The following IP6K2 variants were observed in gnomAD, a reference collection of about 807,000 sequenced individuals.
IP6K2 encodes the protein inositol hexakisphosphate kinase 2.
Under a neutral mutation model 43.3 loss-of-function variants are expected in IP6K2, and 9 were observed. That is an observed-to-expected ratio of 0.21 (90% CI 0.13 to 0.36). The LOEUF is 0.36. IP6K2 is among the 10% of genes least tolerant of loss of function. The pLI, the probability that IP6K2 is intolerant of heterozygous loss-of-function variation, is 1.00. For missense variants in IP6K2, 332 were observed against 538.4 expected, an observed-to-expected ratio of 0.62 and a Z score of 3.79; for synonymous variants, 209 against 202.4, an observed-to-expected ratio of 1.03 and a Z score of -0.28.
intron 3 of IP6K2, 69 bp downstream of exon 3, chr3:48,692,884 TG>T (rs1260467347): frequency 1.8e-6 from 2 of 1,134,510 alleles, no homozygotes; most frequent in African/African-American, 1.6e-5. Flanking sequence ...TCCAGGGAAC[TG>T]GGCTGTAACC....
At position 48,688,164 on chromosome 3, in the gene IP6K2, G is replaced by A. The variant is rs2077497558; in HGVS notation, c.*109C>T. 1 of 1,252,946 alleles carries A rather than the reference G, an allele frequency of 8.0e-7. No individual in the cohort carries two copies. Among genetic ancestry groups the A allele is most frequent in the Non-Finnish European group, 1.1e-6 (1 of 877,262 alleles). 77.6% of individuals were successfully genotyped at this position (1,252,946 alleles called of 1,614,324 possible). ...GGCTCACAGAGGCCACTGCACATCA[G>A]CTCCAGGCTGCAGGAGCCACCACCT... is the stretch of plus-strand genomic sequence containing the variant. On this transcript the variant is annotated 3_prime_UTR_variant, in exon 6 of 6. Coordinates refer to ENST00000328631, the MANE Select transcript of IP6K2 (RefSeq NM_016291.4). The surrounding 1 kb of genome is among the most constrained non-coding windows in gnomAD (Gnocchi z 5.1).
At position 48,689,854 on chromosome 3, in the gene IP6K2, C is replaced by G. The variant is rs148171296; in HGVS notation, c.605-141G>C. ...TCCATTAGTCCTGCCATCCCCGACA[C>G]AGGGAGTCCAGAGCTGACTATAAAG... is the stretch of plus-strand genomic sequence containing the variant. On this transcript the variant is annotated intron_variant, in intron 4 of 5. Transcript: ENST00000328631. 1.4e-3 allele frequency: 939 copies of G among 658,410 alleles called. 9 individuals are homozygous for G. In the African/African-American group the frequency reaches 0.015, roughly 10 times the overall value. The allele number at this position is 658,410 out of a possible 1,614,324, so 40.8% of individuals were successfully genotyped here. A position where few individuals can be genotyped will look rare whatever the true frequency, so the allele number is the denominator to read the frequency against.
intron 2 of IP6K2, 21 bp from the exon 3 acceptor site, chr3:48,693,200 G>A (rs1325612390): frequency 6.3e-7 from 1 of 1,584,294 alleles, no homozygotes; most frequent in Non-Finnish European, 8.7e-7. Context: ...GTGAGGAGCA[G>A]AAAGAACTTT....
At chr3:48,689,749 G>A in intron 4 of IP6K2, 36 bp from the exon 5 acceptor site, 1 of 1,581,684 alleles carries the variant, frequency 6.3e-7, no homozygotes, top group Non-Finnish European at 8.7e-7. Flanking sequence ...AAAAGGAAGT[G>A]CTACTGCATG....
intron 4 of IP6K2, 37 bp from the exon 5 acceptor site, chr3:48,689,750 C>T (rs773671632): frequency 1.3e-6 from 2 of 1,581,980 alleles, no homozygotes; most frequent in Non-Finnish European, 1.7e-6. Context: ...AAAGGAAGTG[C>T]TACTGCATGG....
intron 1 of IP6K2, among the ~76,000 whole-genome samples, chr3:48,711,021 A>C (rs1193237329): frequency 2.0e-5 from 3 of 151,910 alleles, no homozygotes; most frequent in Admixed American, 6.6e-5. Context: ...TAATTCTCCC[A>C]TCTCAGCCTC....
chr3:48,692,657 T>A (rs185746321), intron 3 of IP6K2, among the ~76,000 whole-genome samples: 1 of 152,350 alleles, frequency 6.6e-6, no homozygotes, highest in East Asian at 1.9e-4. Context: ...GGTAAAAGGA[T>A]GGCTCCTCTC....
intron 1 of IP6K2, among the ~76,000 whole-genome samples, chr3:48,713,723 T>C (rs2080827023): frequency 2.0e-5 from 3 of 149,712 alleles, no homozygotes; most frequent in African/African-American, 7.4e-5. Flanking sequence ...CTCGGGAGGC[T>C]GAGGTTGCAG....
At chr3:48,704,347 C>A (rs2079439589) in intron 1 of IP6K2, among the ~76,000 whole-genome samples, 1 of 152,110 alleles carries the variant, frequency 6.6e-6, no homozygotes, top group African/African-American at 2.4e-5. Flanking sequence ...GCCTCCACAT[C>A]CAGCAATAGG....
At chr3:48,693,628 G>A (rs1160549093) in intron 2 of IP6K2, 1 of 1,134,410 alleles carries the variant, frequency 8.8e-7, no homozygotes, top group African/African-American at 1.6e-5. Flanking sequence ...TTGCCTGAGG[G>A]TTAAGAAGCA....
chr3:48,692,190 A>G (rs1184405559), intron 3 of IP6K2, among the ~76,000 whole-genome samples: 2 of 152,216 alleles, frequency 1.3e-5, no homozygotes, highest in Non-Finnish European at 2.9e-5. Flanking sequence ...CTTACCGTGT[A>G]AACATCTGCC....
At chr3:48,696,522 CCACT>C (rs2078369566) in intron 1 of IP6K2, among the ~76,000 whole-genome samples, 1 of 152,190 alleles carries the variant, frequency 6.6e-6, no homozygotes, top group Non-Finnish European at 1.5e-5. Flanking sequence ...GAGCTCGCAT[CCACT>C]CACTCAGCCA....
chr3:48,691,209 ACTATAAAAAC>A lies in IP6K2; in HGVS notation c.604+88_604+97del, dbSNP rs57040134. The A allele has an allele frequency of 1.6e-3, 1,605 of 974,256 alleles. 17 individuals carry two copies. In the African/African-American group the frequency reaches 0.023, roughly 14 times the overall value. The allele number at this position is 974,256 out of a possible 1,614,324, so 60.4% of individuals were successfully genotyped here. A position where few individuals can be genotyped will look rare whatever the true frequency, so the allele number is the denominator to read the frequency against. ...CCCAGGTAGGAGAAACTCAACCATG[ACTATAAAAAC>A]CTAACTTCTCTCTCCAAGCTCCAAG... is the stretch of plus-strand genomic sequence containing the variant. On this transcript the variant is annotated intron_variant, in intron 4 of 5. Coordinates refer to ENST00000328631, the MANE Select transcript of IP6K2 (RefSeq NM_016291.4).
intron 4 of IP6K2, among the ~76,000 whole-genome samples, chr3:48,690,518 G>A (rs1248391467): frequency 6.6e-6 from 1 of 152,098 alleles, no homozygotes; most frequent in Non-Finnish European, 1.5e-5. Context: ...GGCTGGGCGT[G>A]GTGGTTCATG....
At chr3:48,710,263 G>A (rs1217193869) in intron 1 of IP6K2, among the ~76,000 whole-genome samples, 1 of 152,140 alleles carries the variant, frequency 6.6e-6, no homozygotes. Flanking sequence ...GGTGGCATGC[G>A]CCTGTAGTCC....
At chr3:48,715,035 G>A (rs2081039250) in intron 1 of IP6K2, among the ~76,000 whole-genome samples, 1 of 152,088 alleles carries the variant, frequency 6.6e-6, no homozygotes, top group Non-Finnish European at 1.5e-5. Flanking sequence ...TTTTTGGAGA[G>A]AAGGACATTT....
intron 5 of IP6K2, 57 bp downstream of exon 5, chr3:48,689,481 C>A: frequency 6.5e-7 from 1 of 1,544,198 alleles, no homozygotes; most frequent in Non-Finnish European, 8.8e-7. Flanking sequence ...AGGACTATAC[C>A]AGGGTGGGGA....
chr3:48,688,641 C>T lies in IP6K2; in HGVS notation c.913G>A (p.Gly305Ser). The change falls in exon 6 of 6, where the codon GGC becomes AGC. Residue 305 changes from glycine to serine, a missense_variant. By Grantham distance (56) the Gly-to-Ser change is moderately conservative. Coordinates refer to ENST00000328631, the MANE Select transcript of IP6K2 (RefSeq NM_016291.4). The surrounding 1 kb of genome is among the most constrained non-coding windows in gnomAD (Gnocchi z 5.1). The part of the protein sequence containing the change: ...NGRYLRRELL[G>S]PVLKKLTELK... Reference sequence around the variant, plus strand: ...TCAGTCAGCTTCTTGAGCACAGGGCCCAGGAGTTCACGGCGCAGGTACCGC... The same window carrying T: ...TCAGTCAGCTTCTTGAGCACAGGGCTCAGGAGTTCACGGCGCAGGTACCGC... 2 of 1,614,186 alleles carry T rather than the reference C, an allele frequency of 1.2e-6. No individual in the cohort carries two copies. The highest frequency in any genetic ancestry group is 2.2e-5 in the East Asian group (1 of 44,886).
intron 2 of IP6K2, 142 bp from the exon 3 acceptor site, chr3:48,693,321 T>A: frequency 9.0e-7 from 1 of 1,106,362 alleles, no homozygotes; most frequent in Non-Finnish European, 1.4e-6. Flanking sequence ...TCTGCAAACT[T>A]AACAAATATC....
Sources: gnomAD v4.1 joint callset for allele counts (sites outside exome capture counted in the v4.1 genomes callset) on GRCh38, gnomAD v4.1.1 for gene constraint, Gnocchi (gnomAD v3.1) non-coding constraint, MANE v1.5 for transcripts, NCBI Gene and HGNC (gene_info 2026-07-23, HGNC 2026-07-21) for gene names.